The following TENM3 variants were observed in gnomAD, a reference collection of about 807,000 sequenced individuals.
TENM3 encodes the protein teneurin transmembrane protein 3.
TENM3 carries 63 observed loss-of-function variants against 255.1 expected under a neutral mutation model. The observed-to-expected ratio is 0.25, with a 90% CI of 0.20 to 0.30. TENM3 has a LOEUF of 0.30. Among genes scored for constraint, TENM3 ranks in the 10% least tolerant of loss-of-function variants. The probability of loss-of-function intolerance (pLI) is 1.00; values close to 1 mark genes in which losing one functional copy is unlikely to be tolerated. For missense variants in TENM3, 2,929 were observed against 3,461.1 expected (o/e 0.85, Z 3.86); for synonymous variants, 1,306 against 1,322.3 (o/e 0.99, Z 0.27).
At chr4:181,855,775 A>G in the TENM3 span, among the ~76,000 whole-genome samples, 1 of 151,984 alleles carries the variant, frequency 6.6e-6, no homozygotes, top group African/African-American at 2.4e-5. Context: ...ATCAAGTGCT[A>G]TGAAGAAAGA....
At chr4:181,501,662 G>A in the TENM3 span, among the ~76,000 whole-genome samples, 1 of 152,140 alleles carries the variant, frequency 6.6e-6, no homozygotes, top group African/African-American at 2.4e-5. Context: ...ACAGGCGTGA[G>A]CCAACACGCC....
the TENM3 span, chr4:181,829,865 G>C: frequency 6.6e-6 from 1 of 152,224 alleles, no homozygotes; most frequent in Non-Finnish European, 1.5e-5. Context: ...GTGGGAGCTG[G>C]TTTGGTTATT....
At chr4:181,756,872 C>G in the TENM3 span, among the ~76,000 whole-genome samples, 1 of 152,146 alleles carries the variant, frequency 6.6e-6, no homozygotes, top group African/African-American at 2.4e-5. Context: ...ACAAAGCATT[C>G]TTTCTTTGGA....
chr4:181,858,351 T>C, the TENM3 span, among the ~76,000 whole-genome samples: 1 of 152,194 alleles, frequency 6.6e-6, no homozygotes, highest in Non-Finnish European at 1.5e-5. Flanking sequence ...TTGGAAAATT[T>C]GTGGGGGGCA....
intron 3 of TENM3, among the ~76,000 whole-genome samples, chr4:182,561,197 A>AT (rs1228887776): frequency 1.1e-4 from 17 of 152,116 alleles, no homozygotes; most frequent in African/African-American, 4.1e-4. Context: ...ATAAAATTGG[A>AT]TTGGATGATG....
chr4:182,529,094 A>G (rs935776103), intron 3 of TENM3, among the ~76,000 whole-genome samples: 1 of 152,226 alleles, frequency 6.6e-6, no homozygotes, highest in Admixed American at 6.5e-5. Flanking sequence ...GAACTTGTCA[A>G]TTTCTATTCC....
chr4:181,673,585 A>G, the TENM3 span, among the ~76,000 whole-genome samples: 4 of 152,168 alleles, frequency 2.6e-5, no homozygotes, highest in Non-Finnish European at 5.9e-5. Context: ...TCCTACAGAG[A>G]TCAAGAATCT....
intron 3 of TENM3, among the ~76,000 whole-genome samples, chr4:182,586,977 A>G (rs574805133): frequency 1.4e-4 from 21 of 152,358 alleles, no homozygotes; most frequent in African/African-American, 5.1e-4. Context: ...TGAAATATTT[A>G]AGAAAGAAGA....
chr4:182,583,462 C>A (rs924071305), intron 3 of TENM3, among the ~76,000 whole-genome samples: 6 of 151,652 alleles, frequency 4.0e-5, no homozygotes, highest in Non-Finnish European at 5.9e-5. Context: ...ATAATCTACT[C>A]CCCTAATATT....
intron 1 of TENM3, among the ~76,000 whole-genome samples, chr4:182,284,362 T>C (rs1760595523): frequency 6.6e-6 from 1 of 152,206 alleles, no homozygotes; most frequent in Admixed American, 6.5e-5. Context: ...ATAAAGTTAT[T>C]ATAATTTTGG....
chr4:182,769,538 C>G (rs1764002169), intron 22 of TENM3, among the ~76,000 whole-genome samples: 1 of 151,976 alleles, frequency 6.6e-6, no homozygotes, highest in Admixed American at 6.6e-5. Context: ...AATCCCAGCA[C>G]TTTGGGAGGC....
In TENM3 at chr4:182,550,240, G is replaced by T. The variant is rs116135004; in HGVS notation, c.512-50684G>T. Reference sequence around the variant, plus strand: ...TAGTCATATGTATGTATGTATGTACGTTGATTTACAAATTTAAATACAGAA... The same window carrying T: ...TAGTCATATGTATGTATGTATGTACTTTGATTTACAAATTTAAATACAGAA... On this transcript the variant is annotated intron_variant, in intron 3 of 27. Transcript: ENST00000511685. 4.1e-3 allele frequency among the ~76,000 whole-genome samples: 622 copies of T among 152,294 alleles called. 2 individuals are homozygous for T. The highest frequency in any genetic ancestry group is 7.3e-3 in the Non-Finnish European group (499 of 68,022).
At chr4:182,693,630 G>A (rs1406478378) in intron 12 of TENM3, among the ~76,000 whole-genome samples, 3 of 152,098 alleles carry the variant, frequency 2.0e-5, no homozygotes, top group South Asian at 2.1e-4. Flanking sequence ...AGCCTCAGTT[G>A]GGTTTTTTCG....
At chr4:182,420,788 A>G (rs1046840101) in intron 3 of TENM3, among the ~76,000 whole-genome samples, 4 of 152,232 alleles carry the variant, frequency 2.6e-5, no homozygotes, top group African/African-American at 9.6e-5. Flanking sequence ...TGGGTTAGTC[A>G]TAATGGCAAA....
rs70956536 is a variant in TENM3, at chr4:182,731,694, GGTGTGTGTGTGTGT to G, written c.2967+586_2967+599del. Among the ~76,000 whole-genome samples the G allele has an allele frequency of 2.2e-3, 270 of 124,756 alleles. 2 individuals are homozygous for G. The highest frequency in any genetic ancestry group is 7.3e-3 in the African/African-American group (229 of 31,472). The allele number at this position is 124,756 out of a possible 152,430, so 81.8% of individuals were successfully genotyped here. A position where few individuals can be genotyped will look rare whatever the true frequency, so the allele number is the denominator to read the frequency against. On this transcript the variant is annotated intron_variant, in intron 16 of 27. Transcript: ENST00000511685. ...AGAATGAATATATAGTGGGTGTTGG[GGTGTGTGTGTGTGT>G]GTGTGTGTGTGTGTGTGTGTGTGTG...
rs35451760 is a variant in TENM3, at chr4:182,175,314, A to AATATATAT, written c.-76+30574_-76+30581dup. 6.5e-4 allele frequency among the ~76,000 whole-genome samples: 77 copies of AATATATAT among 117,572 alleles called. 1 individual carries two copies. In the Middle Eastern group the frequency reaches 0.014, roughly 21 times the overall value. 77.1% of individuals were successfully genotyped at this position (117,572 alleles called of 152,430 possible). Reference sequence around the variant, plus strand: ...TGCTCTGCTTCATTAAAAAAAAAAAAATATATATATATATATATATACACA... The same window carrying AATATATAT: ...TGCTCTGCTTCATTAAAAAAAAAAAAATATATATATATATATATATATATATATACACA... On this transcript the variant is annotated intron_variant, in intron 1 of 2. Transcript: ENST00000512480.
At chr4:182,579,555 C>T (rs1745283639) in intron 3 of TENM3, among the ~76,000 whole-genome samples, 1 of 152,036 alleles carries the variant, frequency 6.6e-6, no homozygotes, top group Non-Finnish European at 1.5e-5. Context: ...GAGTATAAAA[C>T]GAGGATGATA....
the TENM3 span, among the ~76,000 whole-genome samples, chr4:181,960,665 T>C: frequency 1.3e-5 from 2 of 152,194 alleles, no homozygotes; most frequent in Non-Finnish European, 2.9e-5. Context: ...GCTAAAACAA[T>C]GGAGAAATCT....
At chr4:181,922,676 A>G in the TENM3 span, among the ~76,000 whole-genome samples, 2 of 151,944 alleles carry the variant, frequency 1.3e-5, no homozygotes, top group Non-Finnish European at 2.9e-5. Flanking sequence ...TGATCCTTTC[A>G]AAAAACCAGC....
Sources: gnomAD v4.1 joint callset for allele counts (sites outside exome capture counted in the v4.1 genomes callset) on GRCh38, gnomAD v4.1.1 for gene constraint, MANE v1.5 for transcripts, NCBI Gene and HGNC (gene_info 2026-07-23, HGNC 2026-07-21) for gene names.